Variants in BNC2 observed in about 807,000 individuals in gnomAD.
BNC2 encodes zinc finger protein basonuclin-2.
Under a neutral mutation model 76.3 loss-of-function variants are expected in BNC2, and 20 were observed. That is an observed-to-expected ratio of 0.26 (90% confidence interval 0.18 to 0.38). The LOEUF (loss-of-function observed/expected upper bound fraction) is 0.38. BNC2 is among the 10% of genes least tolerant of loss of function. The probability of loss-of-function intolerance (pLI) is 1.00; values close to 1 mark genes in which losing one functional copy is unlikely to be tolerated. For missense variants in BNC2, 1,382 were observed against 1,399.8 expected (o/e 0.99, Z 0.20); for synonymous variants, 582 against 514.8 (o/e 1.13, Z -1.77).
intron 1 of BNC2, among the ~76,000 whole-genome samples, chr9:16,739,146 T>C (rs1391511366): frequency 6.6e-6 from 1 of 151,940 alleles, no homozygotes; most frequent in Non-Finnish European, 1.5e-5. Flanking sequence ...AGAAGAACCA[T>C]CAATGAAATG....
intron 1 of BNC2, among the ~76,000 whole-genome samples, chr9:16,810,206 G>C (rs1818010825): frequency 6.6e-6 from 1 of 152,160 alleles, no homozygotes; most frequent in Admixed American, 6.6e-5. Context: ...CTGTCTACTA[G>C]GGCCCACTGT....
In BNC2 at chr9:16,492,646, G is replaced by A. The variant is rs142576432; in HGVS notation, c.670-55122C>T. On this transcript the variant is annotated intron_variant, in intron 5 of 6. Coordinates refer to ENST00000380672, the MANE Select transcript of BNC2 (RefSeq NM_017637.6). Reference sequence around the variant, plus strand: ...TGAGAAATCATATGATGTATTTCTTGTCTTTTAGGAATACAGGTTATGCAT... The same window carrying A: ...TGAGAAATCATATGATGTATTTCTTATCTTTTAGGAATACAGGTTATGCAT... 5.2e-4 allele frequency among the ~76,000 whole-genome samples: 79 copies of A among 151,658 alleles called. 1 individual carries two copies. The highest frequency in any genetic ancestry group is 5.0e-4 in the Non-Finnish European group (34 of 67,952).
At chr9:16,502,304 C>T (rs138881159) in intron 5 of BNC2, among the ~76,000 whole-genome samples, 133 of 152,262 alleles carry the variant, frequency 8.7e-4, no homozygotes, top group Admixed American at 3.9e-3. Context: ...GCTATGGTCA[C>T]GCCACTGCAT....
intron 3 of BNC2, among the ~76,000 whole-genome samples, chr9:16,605,144 T>A (rs1483001985): frequency 1.3e-5 from 2 of 152,232 alleles, no homozygotes; most frequent in Non-Finnish European, 2.9e-5. Flanking sequence ...ATGACTAGAT[T>A]GTGACCTCTA....
Position 16,855,666 on chromosome 9 carries a change from T to C in BNC2, c.3+14980A>G, listed in dbSNP as rs199937884. 1.4e-3 allele frequency among the ~76,000 whole-genome samples: 217 copies of C among 152,110 alleles called. 4 individuals carry two copies. In the East Asian group the frequency reaches 0.028, roughly 20 times the overall value. ...CATTCTCCTGCCTCAGCCTCCCACG[T>C]AGCTGGGACTACAGGCGCCCGCGAC... On this transcript the variant is annotated intron_variant, in intron 1 of 6. Transcript: ENST00000380672.
intron 2 of BNC2, among the ~76,000 whole-genome samples, chr9:16,732,526 GT>G (rs1167858556): frequency 3.9e-5 from 6 of 152,154 alleles, no homozygotes; most frequent in Non-Finnish European, 8.8e-5. Context: ...TAAATGTGTA[GT>G]TTTTGTATAC....
intron 5 of BNC2, among the ~76,000 whole-genome samples, chr9:16,506,179 A>T (rs10738435): frequency 0.34 from 51,531 of 151,894 alleles, 9,736 homozygotes; most frequent in South Asian, 0.52. Flanking sequence ...AGTGTAGGTT[A>T]AAAAAAATAC....
intron 1 of BNC2, among the ~76,000 whole-genome samples, chr9:16,741,566 G>T (rs1355624055): frequency 6.6e-6 from 1 of 152,142 alleles, no homozygotes; most frequent in Non-Finnish European, 1.5e-5. Context: ...AAGCTGACTG[G>T]GTCCAAGAAA....
Position 16,847,072 on chromosome 9 carries a change from A to C in BNC2, c.3+23574T>G, listed in dbSNP as rs539041926. 4.6e-5 allele frequency among the ~76,000 whole-genome samples: 7 copies of C among 152,320 alleles called. No homozygotes were observed. The South Asian group carries it at 1.4e-3, about 32-fold the overall frequency. On this transcript the variant is annotated intron_variant, in intron 1 of 6. Coordinates refer to ENST00000380672, the MANE Select transcript of BNC2 (RefSeq NM_017637.6). ...AATGTCAAGTTGCTGCATGGTAGAA[A>C]ATGATCTCTGTAGCAGGTCCTCAAG...
At chr9:16,638,875 A>T (rs1304334037) in intron 3 of BNC2, among the ~76,000 whole-genome samples, 1 of 152,198 alleles carries the variant, frequency 6.6e-6, no homozygotes, top group African/African-American at 2.4e-5. Flanking sequence ...TATGATTCTC[A>T]GTAGGGAATG....
At chr9:16,777,285 G>A (rs1825995466) in intron 1 of BNC2, among the ~76,000 whole-genome samples, 1 of 151,942 alleles carries the variant, frequency 6.6e-6, no homozygotes, top group Non-Finnish European at 1.5e-5. Flanking sequence ...ACCAGATGAA[G>A]AGCAAAAAGG....
At chr9:16,842,880 T>C (rs762391200) in intron 1 of BNC2, among the ~76,000 whole-genome samples, 8 of 152,338 alleles carry the variant, frequency 5.3e-5, no homozygotes, top group Admixed American at 5.2e-4. Context: ...GCCTCCCAAG[T>C]AGCTGGGATT....
In BNC2 at chr9:16,487,212, T is replaced by C. The variant is rs186465194; in HGVS notation, c.670-49688A>G. On this transcript the variant is annotated intron_variant, in intron 5 of 6. Transcript: ENST00000380672. ...ACAGTCTTGAGGGGGTCAAACGTCC[T>C]CTCCTAGCTACAGACCAGAGGATGT... 2.1e-3 allele frequency among the ~76,000 whole-genome samples: 312 copies of C among 152,168 alleles called. 4 individuals are homozygous for C. The highest frequency in any genetic ancestry group is 7.2e-3 in the African/African-American group (300 of 41,496).
intron 5 of BNC2, among the ~76,000 whole-genome samples, chr9:16,493,791 T>C (rs1371305549): frequency 6.6e-6 from 1 of 152,172 alleles, no homozygotes; most frequent in Non-Finnish European, 1.5e-5. Flanking sequence ...GAGCCATGCC[T>C]GAAGAGCCAA....
rs34090221 is a variant in BNC2, at chr9:16,713,445, CTTTT to C, written c.330+14348_330+14351del. ...TAGAAAACCAGCCTAGGAAAAGGCA[CTTTT>C]TTTTTTTTTTTTTTTTTTTAAGAAA... On this transcript the variant is annotated intron_variant, in intron 3 of 6. Coordinates refer to ENST00000380672, the MANE Select transcript of BNC2 (RefSeq NM_017637.6). 6.1e-3 allele frequency among the ~76,000 whole-genome samples: 787 copies of C among 128,166 alleles called. 3 individuals are homozygous for C. Among genetic ancestry groups the C allele is most frequent in the African/African-American group, 8.5e-3 (284 of 33,514 alleles). The allele number at this position is 128,166 out of a possible 152,430, so 84.1% of individuals were successfully genotyped here.
intron 5 of BNC2, among the ~76,000 whole-genome samples, chr9:16,483,963 G>A (rs959874528): frequency 2.0e-5 from 3 of 152,212 alleles, no homozygotes; most frequent in Non-Finnish European, 4.4e-5. Flanking sequence ...AATCCTGGCT[G>A]ATAAAGGTAA....
intron 4 of BNC2, among the ~76,000 whole-genome samples, chr9:16,576,091 C>G (rs1819477218): frequency 6.6e-6 from 1 of 152,210 alleles, no homozygotes; most frequent in African/African-American, 2.4e-5. Flanking sequence ...TAAGCATGTA[C>G]TTCCCTTCCC....
intron 1 of BNC2, among the ~76,000 whole-genome samples, chr9:16,771,766 G>A (rs1018566305): frequency 6.6e-6 from 1 of 152,050 alleles, no homozygotes; most frequent in African/African-American, 2.4e-5. Context: ...ATTTTCCCTA[G>A]AAAGGCATCT....
chr9:16,457,448 C>T (rs1322662071), intron 5 of BNC2, among the ~76,000 whole-genome samples: 2 of 152,152 alleles, frequency 1.3e-5, no homozygotes, highest in African/African-American at 2.4e-5. Context: ...GCAGCATCAG[C>T]ACAGGGCAAC....
Sources: allele counts gnomAD v4.1 joint callset (sites outside exome capture counted in the v4.1 genomes callset), GRCh38; gene constraint gnomAD v4.1.1; transcripts MANE v1.5; gene names NCBI Gene and HGNC (gene_info 2026-07-23, HGNC 2026-07-21).